The following SRRM4 variants were observed in gnomAD, a reference collection of about 807,000 sequenced individuals.
The protein encoded by SRRM4 is serine/arginine repetitive matrix protein 4.
SRRM4 carries 33 observed loss-of-function variants against 68.9 expected under a neutral mutation model. That is an observed-to-expected ratio of 0.48 (90% CI 0.36 to 0.64). The LOEUF (loss-of-function observed/expected upper bound fraction) is 0.64. Ranked by LOEUF, SRRM4 falls within the 30% of genes least tolerant of loss-of-function variation. The pLI is 0.00. For synonymous variants in SRRM4, 318 were observed against 318.8 expected (o/e 1.00, Z 0.03); for missense variants, 817 against 827.1 (o/e 0.99, Z 0.15).
rs141881905 is a variant in SRRM4, at chr12:119,082,907, A to G, written c.132-19329A>G. On this transcript the variant is annotated intron_variant, in intron 1 of 12. Transcript: ENST00000267260. ...CTTGGGGACTTTAGCATTCTGCCTG[A>G]TCTTTATGCCCTAAGACTGCTTAGC... is the stretch of plus-strand genomic sequence containing the variant. 3.3e-3 allele frequency among the ~76,000 whole-genome samples: 505 copies of G among 152,320 alleles called. 10 individuals are homozygous for G. The highest frequency in any genetic ancestry group is 0.029 in the Admixed American group (444 of 15,298).
At chr12:119,007,926 A>C (rs1163455578) in intron 1 of SRRM4, among the ~76,000 whole-genome samples, 1 of 152,062 alleles carries the variant, frequency 6.6e-6, no homozygotes, top group African/African-American at 2.4e-5. Context: ...TCCCTTCTCC[A>C]GTGGGGAGGC....
intron 1 of SRRM4, among the ~76,000 whole-genome samples, chr12:119,083,758 G>T (rs35126317): frequency 0.033 from 5,057 of 152,284 alleles, 165 homozygotes; most frequent in East Asian, 0.12. Flanking sequence ...CCTCAGAGCT[G>T]AGCTGACAGT....
rs6490222 is a variant in SRRM4, at chr12:118,997,358, G to A, written c.131+15345G>A. Among the ~76,000 whole-genome samples the A allele has an allele frequency of 5.7e-3, 875 of 152,176 alleles. 6 individuals are homozygous for A. Among genetic ancestry groups the A allele is most frequent in the African/African-American group, 0.02 (848 of 41,510 alleles). On this transcript the variant is annotated intron_variant, in intron 1 of 12. Coordinates refer to ENST00000267260, the MANE Select transcript of SRRM4 (RefSeq NM_194286.4). ...GGTTGTTGTATTTACCCAGGGCTGC[G>A]CAACTTGGCAGAGCTCTTTCTATTG...
At position 119,151,152 on chromosome 12, in the gene SRRM4, G is replaced by A. The variant is rs561694968; in HGVS notation, c.1212G>A (p.Ser404=). The A allele has an allele frequency of 1.2e-5, 19 of 1,613,890 alleles. No individual in the cohort carries two copies. The highest frequency in any genetic ancestry group is 6.7e-5 in the Admixed American group (4 of 60,016). Reference sequence around the variant, plus strand: ...CCAGCACCCGATCCTCCAGTCACTCGTCCCGATCCCCAAATCCCAGGGCTT... The same window carrying A: ...CCAGCACCCGATCCTCCAGTCACTCATCCCGATCCCCAAATCCCAGGGCTT... ...SYASTRSSSH[S]SRSPNPRASP... The change falls in exon 10 of 13, where the codon TCG becomes TCA. Residue 404 remains serine (S), a synonymous_variant. Coordinates refer to ENST00000267260, the MANE Select transcript of SRRM4 (RefSeq NM_194286.4).
intron 1 of SRRM4, among the ~76,000 whole-genome samples, chr12:119,014,679 A>G (rs1225032864): frequency 2.0e-5 from 3 of 152,308 alleles, no homozygotes; most frequent in Admixed American, 2.0e-4. Flanking sequence ...AGGAAGGCAC[A>G]GGAAGTGAGG....
At position 119,006,268 on chromosome 12, in the gene SRRM4, T is replaced by C. The variant is rs114079633; in HGVS notation, c.131+24255T>C. Among the ~76,000 whole-genome samples the C allele has an allele frequency of 8.3e-3, 1,257 of 152,302 alleles. 23 individuals carry two copies. The highest frequency in any genetic ancestry group is 0.029 in the African/African-American group (1,191 of 41,564). Reference sequence around the variant, plus strand: ...AACTTAACTCTTTCTCTCCCCTCTTTTGGTCTACCAGGATCTGATGTTAGG... The same window carrying C: ...AACTTAACTCTTTCTCTCCCCTCTTCTGGTCTACCAGGATCTGATGTTAGG... On this transcript the variant is annotated intron_variant, in intron 1 of 12. Coordinates refer to ENST00000267260, the MANE Select transcript of SRRM4 (RefSeq NM_194286.4).
rs933557578 is a variant in SRRM4, at chr12:119,043,583, T to C, written c.132-58653T>C. Among the ~76,000 whole-genome samples the C allele has an allele frequency of 4.6e-5, 6 of 130,374 alleles. No homozygotes were observed. In the Middle Eastern group the frequency reaches 0.012, roughly 253 times the overall value. The allele number at this position is 130,374 out of a possible 152,430, so 85.5% of individuals were successfully genotyped here. On this transcript the variant is annotated intron_variant, in intron 1 of 12. Transcript: ENST00000267260. The stretch of plus-strand genomic sequence containing the variant: ...ATTGAAAAATAAATAAATACATGCA[T>C]ACAGCAAAAAGAAGTTTAGGAAGTC...
chr12:119,114,405 G>A, intron 3 of SRRM4, 41 bp downstream of exon 3: 1 of 1,527,622 alleles, frequency 6.5e-7, no homozygotes, highest in Non-Finnish European at 8.9e-7. Flanking sequence ...TAAGATGCAG[G>A]CAGGGACAAA....
intron 1 of SRRM4, among the ~76,000 whole-genome samples, chr12:119,003,730 G>A (rs1475799591): frequency 1.3e-5 from 2 of 152,010 alleles, no homozygotes; most frequent in African/African-American, 2.4e-5. Context: ...GTGGCTTGAG[G>A]TCAGTCCTTT....
At chr12:119,088,368 T>C (rs925595519) in intron 1 of SRRM4, among the ~76,000 whole-genome samples, 2 of 152,150 alleles carry the variant, frequency 1.3e-5, no homozygotes, top group South Asian at 2.1e-4. Context: ...TCAACGGTGA[T>C]TGGGAAAGAA....
intron 1 of SRRM4, among the ~76,000 whole-genome samples, chr12:119,025,845 A>G (rs1327166814): frequency 6.6e-6 from 1 of 152,086 alleles, no homozygotes; most frequent in African/African-American, 2.4e-5. Flanking sequence ...TGAGCCAAGG[A>G]AAAAGGGGAG....
At chr12:119,132,676 G>A (rs4073207) in intron 8 of SRRM4, among the ~76,000 whole-genome samples, 84,060 of 151,950 alleles carry the variant, frequency 0.55, 23,527 homozygotes, top group South Asian at 0.63. Flanking sequence ...GCTTTGAGGT[G>A]CAATGCCTCA....
At chr12:119,128,320 G>A (rs1954273704) in intron 7 of SRRM4, among the ~76,000 whole-genome samples, 1 of 152,106 alleles carries the variant, frequency 6.6e-6, no homozygotes, top group Non-Finnish European at 1.5e-5. Flanking sequence ...GTCAGCCTTA[G>A]CCTCGGTCTA....
At chr12:119,033,492 C>T (rs1302895353) in intron 1 of SRRM4, among the ~76,000 whole-genome samples, 4 of 152,158 alleles carry the variant, frequency 2.6e-5, no homozygotes, top group Non-Finnish European at 5.9e-5. Flanking sequence ...GGTGAAATCC[C>T]GTCTCTACTA....
intron 4 of SRRM4, among the ~76,000 whole-genome samples, chr12:119,118,380 C>A (rs554665793): frequency 4.9e-4 from 75 of 152,352 alleles, no homozygotes; most frequent in African/African-American, 1.8e-3. Flanking sequence ...TTTGGGGCTT[C>A]CCCCTGCATC....
At chr12:118,997,362 C>T (rs764919918) in intron 1 of SRRM4, among the ~76,000 whole-genome samples, 1 of 152,222 alleles carries the variant, frequency 6.6e-6, no homozygotes, top group Non-Finnish European at 1.5e-5. Context: ...GGCTGCGCAA[C>T]TTGGCAGAGC....
chr12:118,993,676 G>T (rs1953331469), intron 1 of SRRM4, among the ~76,000 whole-genome samples: 1 of 152,172 alleles, frequency 6.6e-6, no homozygotes, highest in Admixed American at 6.5e-5. Flanking sequence ...AGAAGTAGGG[G>T]TGGCCTCAAG....
chr12:119,108,749 A>G (rs973945203), intron 2 of SRRM4, among the ~76,000 whole-genome samples: 2 of 152,068 alleles, frequency 1.3e-5, no homozygotes, highest in African/African-American at 2.4e-5. Context: ...AATACAGCAC[A>G]TTGATGGGTC....
At chr12:119,151,282 A>G in intron 10 of SRRM4, 62 bp downstream of exon 10, 2 of 1,469,318 alleles carry the variant, frequency 1.4e-6, no homozygotes, top group African/African-American at 1.4e-5. Context: ...AGTTAATTGC[A>G]GATGTCCTTT....
Sources: allele counts gnomAD v4.1 joint callset (sites outside exome capture counted in the v4.1 genomes callset), GRCh38; gene constraint gnomAD v4.1.1; transcripts MANE v1.5; gene names NCBI Gene and HGNC (gene_info 2026-07-23, HGNC 2026-07-21).